The following DCT variants were observed in gnomAD, a reference collection of about 807,000 sequenced individuals.
The protein encoded by DCT is L-dopachrome tautomerase.
In DCT, 47 loss-of-function variants were observed where a neutral mutation model predicts 53.0. The ratio of observed to expected loss-of-function variants is 0.89; its 90% CI spans 0.70 to 1.13. The LOEUF (loss-of-function observed/expected upper bound fraction) is 1.13, where lower values mean the gene tolerates loss of function less well. Ranked by LOEUF, DCT falls within the 50% of genes most tolerant of loss-of-function variation. The pLI is 0.00. For synonymous variants in DCT, 244 were observed against 237.0 expected, an observed-to-expected ratio of 1.03 and a Z score of -0.27; for missense variants, 669 against 637.4, an observed-to-expected ratio of 1.05 and a Z score of -0.53.
At chr13:94,521,617 C>G in the DCT span, among the ~76,000 whole-genome samples, 1 of 152,192 alleles carries the variant, frequency 6.6e-6, no homozygotes, top group Non-Finnish European at 1.5e-5. Flanking sequence ...TTGCAGTGAG[C>G]TGAGATCATG....
In DCT at chr13:94,437,957, CTATGA is replaced by C. The variant is rs985492932; in HGVS notation, c.*1936_*1940del. 3 of 152,076 alleles carry C rather than the reference CTATGA, an allele frequency of 2.0e-5. No individual in the cohort carries two copies. The highest frequency in any genetic ancestry group is 7.2e-5 in the African/African-American group (3 of 41,416). 9.4% of individuals were successfully genotyped at this position (152,076 alleles called of 1,614,324 possible). On this transcript the variant is annotated 3_prime_UTR_variant, in exon 8 of 8. Transcript: ENST00000377028. ...TCTGCTTTAACCAAGTCTTATGAGA[CTATGA>C]TATATGAGAATTCTGATATACCTGA...
At chr13:94,544,538 G>C in the DCT span, among the ~76,000 whole-genome samples, 1 of 152,204 alleles carries the variant, frequency 6.6e-6, no homozygotes, top group Non-Finnish European at 1.5e-5. Flanking sequence ...AGCCTGTCCA[G>C]CTTTATTTGC....
At chr13:94,444,690 G>T (rs1271912237) in intron 6 of DCT, among the ~76,000 whole-genome samples, 1 of 152,076 alleles carries the variant, frequency 6.6e-6, no homozygotes, top group Non-Finnish European at 1.5e-5. Flanking sequence ...CATTCCCCCT[G>T]GATCCCCAGA....
the DCT span, among the ~76,000 whole-genome samples, chr13:94,513,405 G>A: frequency 6.6e-6 from 1 of 152,170 alleles, no homozygotes; most frequent in African/African-American, 2.4e-5. Flanking sequence ...GTCTGCTACA[G>A]TTTTATCGGT....
upstream of DCT, among the ~76,000 whole-genome samples, chr13:94,480,804 T>C (rs537316427): frequency 6.6e-6 from 1 of 152,358 alleles, no homozygotes; most frequent in East Asian, 1.9e-4. Context: ...TGAATCAGAA[T>C]ACAGCAGAGC....
chr13:94,467,515 C>T (rs180826955), intron 2 of DCT: 20 of 152,246 alleles, frequency 1.3e-4, no homozygotes, highest in Non-Finnish European at 2.9e-5. Flanking sequence ...AGCAATAATT[C>T]CTCAGAGTGA....
the DCT span, among the ~76,000 whole-genome samples, chr13:94,543,182 G>A: frequency 2.9e-4 from 44 of 152,180 alleles, no homozygotes; most frequent in South Asian, 1.2e-3. Context: ...CATCACAGCC[G>A]CAGGGACAGA....
At chr13:94,526,158 T>C in the DCT span, among the ~76,000 whole-genome samples, 1 of 152,362 alleles carries the variant, frequency 6.6e-6, no homozygotes, top group Admixed American at 6.5e-5. Context: ...GGTACTATCA[T>C]GGCAAGAGCC....
chr13:94,478,921 G>T (rs760169154), intron 1 of DCT, 40 bp downstream of exon 1: 2 of 1,557,906 alleles, frequency 1.3e-6, no homozygotes, highest in South Asian at 1.2e-5. Context: ...TCTTTCCCCA[G>T]CTCTGGCCCT....
At chr13:94,497,098 AT>A in the DCT span, among the ~76,000 whole-genome samples, 1 of 152,166 alleles carries the variant, frequency 6.6e-6, no homozygotes, top group Non-Finnish European at 1.5e-5. Flanking sequence ...TCTGCGGGGT[AT>A]TTTCTGGATG....
At chr13:94,511,977 C>T in the DCT span, among the ~76,000 whole-genome samples, 3 of 152,036 alleles carry the variant, frequency 2.0e-5, no homozygotes, top group Admixed American at 2.0e-4. Context: ...AATACTTCCA[C>T]CTCCACCTCC....
the DCT span, among the ~76,000 whole-genome samples, chr13:94,509,527 GA>G: frequency 2.6e-5 from 4 of 152,062 alleles, no homozygotes; most frequent in Non-Finnish European, 5.9e-5. Context: ...CTAAAGTGGG[GA>G]CAATGTGGAG....
At chr13:94,524,191 G>A in the DCT span, among the ~76,000 whole-genome samples, 1 of 152,216 alleles carries the variant, frequency 6.6e-6, no homozygotes, top group Non-Finnish European at 1.5e-5. Flanking sequence ...ATTCTAGGTA[G>A]CTCCACTTCT....
At chr13:94,466,328 T>C (rs965331413) in intron 3 of DCT, among the ~76,000 whole-genome samples, 5 of 152,016 alleles carry the variant, frequency 3.3e-5, no homozygotes, top group African/African-American at 9.7e-5. Context: ...TAACGTTGTA[T>C]TGTGTACTGG....
intron 3 of DCT, 117 bp from the exon 4 acceptor site, chr13:94,465,916 T>G (rs1389368676): frequency 2.1e-6 from 1 of 470,566 alleles, no homozygotes; most frequent in African/African-American, 2.2e-5. Context: ...CAAAGACTAC[T>G]GGATGGATAA....
chr13:94,496,846 T>G, the DCT span, among the ~76,000 whole-genome samples: 1 of 152,144 alleles, frequency 6.6e-6, no homozygotes, highest in East Asian at 1.9e-4. Flanking sequence ...TAGTGTCTAG[T>G]GGGCTGTGAA....
At chr13:94,538,776 G>A in the DCT span, among the ~76,000 whole-genome samples, 1 of 152,080 alleles carries the variant, frequency 6.6e-6, no homozygotes, top group African/African-American at 2.4e-5. Context: ...TACCTGGGAT[G>A]AAGATCATTT....
At position 94,479,279 on chromosome 13, in the gene DCT, C is replaced by T. The variant is rs1885326690; in HGVS notation, c.-24G>A. The T allele has an allele frequency of 2.0e-6, 3 of 1,532,718 alleles. No individual in the cohort carries two copies. The highest frequency in any genetic ancestry group is 2.6e-6 in the Non-Finnish European group (3 of 1,135,212). 94.9% of individuals were successfully genotyped at this position (1,532,718 alleles called of 1,614,324 possible). On this transcript the variant is annotated 5_prime_UTR_variant, in exon 1 of 8. Transcript: ENST00000377028. ...ATGGCTTTATAATTGGGAGAGCTCT[C>T]TCTCTCTCTTACTTTCCTTGTCTCT... is the stretch of plus-strand genomic sequence containing the variant.
At chr13:94,472,192 T>C (rs1884687486) in intron 1 of DCT, among the ~76,000 whole-genome samples, 2 of 152,124 alleles carry the variant, frequency 1.3e-5, no homozygotes, top group South Asian at 2.1e-4. Flanking sequence ...TTCTTTGTAG[T>C]TGGCAGAAAC....
Sources: gnomAD v4.1 joint callset for allele counts (sites outside exome capture counted in the v4.1 genomes callset) on GRCh38, gnomAD v4.1.1 for gene constraint, MANE v1.5 for transcripts, NCBI Gene and HGNC (gene_info 2026-07-23, HGNC 2026-07-21) for gene names.